The following MAGI2 variants were observed in gnomAD, a reference collection of about 807,000 sequenced individuals.
MAGI2 encodes membrane-associated guanylate kinase, WW and PDZ domain-containing protein 2.
MAGI2 carries 35 observed loss-of-function variants against 133.3 expected under a neutral mutation model. That is an observed-to-expected ratio of 0.26 (90% confidence interval 0.20 to 0.35). The LOEUF (loss-of-function observed/expected upper bound fraction) is 0.35, where lower values mean the gene tolerates loss of function less well. MAGI2 is among the 10% of genes least tolerant of loss of function. MAGI2 has a pLI of 1.00. For missense variants in MAGI2, 1,636 were observed against 1,863.4 expected (o/e 0.88, Z 2.25); for synonymous variants, 729 against 710.6 (o/e 1.03, Z -0.41).
At chr7:79,430,413 T>G (rs1272559239) in intron 1 of MAGI2, among the ~76,000 whole-genome samples, 1 of 152,182 alleles carries the variant, frequency 6.6e-6, no homozygotes, top group African/African-American at 2.4e-5. Flanking sequence ...CAGAGAAAAT[T>G]TATTCAAATG....
At chr7:79,296,631 T>C (rs1836952828) in intron 1 of MAGI2, among the ~76,000 whole-genome samples, 1 of 152,022 alleles carries the variant, frequency 6.6e-6, no homozygotes, top group African/African-American at 2.4e-5. Flanking sequence ...TTGCAAACAC[T>C]GTGGGCCAGG....
chr7:78,682,152 C>T (rs564203094), intron 2 of MAGI2, among the ~76,000 whole-genome samples: 3 of 151,980 alleles, frequency 2.0e-5, no homozygotes, highest in African/African-American at 7.2e-5. Context: ...TATTTTGTTT[C>T]AGGAAATAAA....
intron 6 of MAGI2, among the ~76,000 whole-genome samples, chr7:78,448,092 A>C (rs759116521): frequency 9.2e-5 from 14 of 152,098 alleles, no homozygotes; most frequent in Non-Finnish European, 1.8e-4. Context: ...GCTGCAAATG[A>C]CAGGATTTCC....
intron 1 of MAGI2, among the ~76,000 whole-genome samples, chr7:79,080,831 C>T (rs1173858719): frequency 6.6e-6 from 1 of 152,138 alleles, no homozygotes; most frequent in Non-Finnish European, 1.5e-5. Flanking sequence ...AGTTACCACA[C>T]TGGTCCACGC....
At chr7:78,975,428 G>C (rs2116064410) in intron 2 of MAGI2, among the ~76,000 whole-genome samples, 1 of 151,798 alleles carries the variant, frequency 6.6e-6, no homozygotes, top group Non-Finnish European at 1.5e-5. Context: ...CATAATATAT[G>C]TGTCCAAAGA....
chr7:78,590,992 T>C (rs573000197), intron 3 of MAGI2, among the ~76,000 whole-genome samples: 1 of 152,314 alleles, frequency 6.6e-6, no homozygotes, highest in Admixed American at 6.5e-5. Flanking sequence ...GACTCCTCCC[T>C]CTGACTTTCC....
intron 16 of MAGI2, among the ~76,000 whole-genome samples, chr7:78,151,193 GA>G (rs1823837217): frequency 6.6e-6 from 1 of 151,790 alleles, no homozygotes; most frequent in African/African-American, 2.4e-5. Context: ...TGAAAAAGCG[GA>G]ATTGAATAAA....
At chr7:78,489,291 GTTATT>G (rs1554439067) in intron 6 of MAGI2, among the ~76,000 whole-genome samples, 5 of 151,994 alleles carry the variant, frequency 3.3e-5, no homozygotes, top group Non-Finnish European at 7.4e-5. Flanking sequence ...CAGGCAACTG[GTTATT>G]TTATTTAAAT....
chr7:78,632,255 T>C (rs534749511), intron 2 of MAGI2, among the ~76,000 whole-genome samples: 1 of 152,376 alleles, frequency 6.6e-6, no homozygotes, highest in African/African-American at 2.4e-5. Context: ...TAAAAAGTTA[T>C]ATAGTATGCT....
chr7:78,945,031 G>A (rs188403221), intron 2 of MAGI2, among the ~76,000 whole-genome samples: 309 of 151,854 alleles, frequency 2.0e-3, no homozygotes, highest in African/African-American at 7.1e-3. Context: ...GAGCCACTGT[G>A]CCCAGCCTCA....
intron 9 of MAGI2, among the ~76,000 whole-genome samples, chr7:78,285,251 CTTAATCCATT>C (rs1249955386): frequency 1.3e-5 from 2 of 152,104 alleles, no homozygotes; most frequent in Admixed American, 6.6e-5. Flanking sequence ...CAAAAAAAAT[CTTAATCCATT>C]TTTAGAACTC....
At chr7:78,668,877 A>G (rs943632081) in intron 2 of MAGI2, among the ~76,000 whole-genome samples, 1 of 151,768 alleles carries the variant, frequency 6.6e-6, no homozygotes, top group Non-Finnish European at 1.5e-5. Context: ...ACCAATGAGA[A>G]CAAAGACACA....
At chr7:78,213,472 T>C (rs1787966227) in intron 10 of MAGI2, among the ~76,000 whole-genome samples, 1 of 152,190 alleles carries the variant, frequency 6.6e-6, no homozygotes. Flanking sequence ...CTCCAAGAGG[T>C]CATAGTCAAA....
chr7:79,045,975 A>G (rs1812142496), intron 1 of MAGI2, among the ~76,000 whole-genome samples: 1 of 152,208 alleles, frequency 6.6e-6, no homozygotes, highest in African/African-American at 2.4e-5. Flanking sequence ...TGGTTTTGAC[A>G]TTGTACTATA....
chr7:79,173,466 CA>C lies in MAGI2; in HGVS notation c.302-166261del, dbSNP rs553432146. On this transcript the variant is annotated intron_variant, in intron 1 of 21. Coordinates refer to ENST00000354212, the MANE Select transcript of MAGI2 (RefSeq NM_012301.4). ...TCATCCTCCCAAGTAGCTGAGACTG[CA>C]GGCACACGACTCCACACCCAGCTTA... is the stretch of plus-strand genomic sequence containing the variant. Among the ~76,000 whole-genome samples, 415 of 152,146 alleles carry C rather than the reference CA, an allele frequency of 2.7e-3. 1 individual carries two copies. Among genetic ancestry groups the C allele is most frequent in the African/African-American group, 9.2e-3 (383 of 41,530 alleles).
chr7:79,193,936 A>G (rs540384037), intron 1 of MAGI2, among the ~76,000 whole-genome samples: 1 of 151,978 alleles, frequency 6.6e-6, no homozygotes, highest in African/African-American at 2.4e-5. Flanking sequence ...TTACTCCTTA[A>G]TTGATCACAT....
At chr7:78,361,194 G>T (rs1428699817) in intron 7 of MAGI2, among the ~76,000 whole-genome samples, 1 of 152,110 alleles carries the variant, frequency 6.6e-6, no homozygotes, top group African/African-American at 2.4e-5. Context: ...AGGAGTTCAA[G>T]ACCAGCCCGG....
At chr7:79,090,699 G>A (rs184278705) in intron 1 of MAGI2, among the ~76,000 whole-genome samples, 1 of 152,168 alleles carries the variant, frequency 6.6e-6, no homozygotes, top group Non-Finnish European at 1.5e-5. Context: ...ACAGCTGATA[G>A]ATGACAATGC....
intron 21 of MAGI2, among the ~76,000 whole-genome samples, chr7:78,037,433 G>T (rs1328078342): frequency 1.3e-5 from 2 of 152,154 alleles, no homozygotes; most frequent in African/African-American, 4.8e-5. Context: ...AGCCCTCATC[G>T]GTGTTGATAA....
Sources: allele counts gnomAD v4.1 joint callset (sites outside exome capture counted in the v4.1 genomes callset), GRCh38; gene constraint gnomAD v4.1.1; transcripts MANE v1.5; gene names NCBI Gene and HGNC (gene_info 2026-07-23, HGNC 2026-07-21).